ELF1: variants seen among roughly 807,000 people sequenced by gnomAD.
The protein encoded by ELF1 is ETS-related transcription factor Elf-1.
In ELF1, 24 loss-of-function variants were observed where a neutral mutation model predicts 59.9. That is an observed-to-expected ratio of 0.40 (90% confidence interval 0.29 to 0.56). ELF1 has a LOEUF of 0.56. ELF1 is among the 20% of genes least tolerant of loss of function. The pLI is 0.44. For synonymous variants in ELF1, 248 were observed against 266.2 expected (o/e 0.93, Z 0.67); for missense variants, 627 against 742.2 (o/e 0.84, Z 1.80).
At chr13:40,940,418 A>C (rs4584694) in intron 8 of ELF1, among the ~76,000 whole-genome samples, 78,417 of 140,658 alleles carry the variant, frequency 0.56, 24,802 homozygotes, top group Non-Finnish European at 0.69. Flanking sequence ...AAAAAAAAAA[A>C]CAAACCTACT....
At chr13:40,971,502 T>C (rs1202291194) in intron 2 of ELF1, among the ~76,000 whole-genome samples, 1 of 152,188 alleles carries the variant, frequency 6.6e-6, no homozygotes, top group Non-Finnish European at 1.5e-5. Context: ...CTTTCTGCCT[T>C]GGCTTCCCAG....
At chr13:41,004,771 T>C (rs1177756659) in intron 1 of ELF1, among the ~76,000 whole-genome samples, 1 of 152,118 alleles carries the variant, frequency 6.6e-6, no homozygotes, top group Non-Finnish European at 1.5e-5. Context: ...TTTTATGGCC[T>C]AAAAAATGTC....
At chr13:40,978,805 A>AT (rs1281720562) in intron 2 of ELF1, among the ~76,000 whole-genome samples, 1 of 151,870 alleles carries the variant, frequency 6.6e-6, no homozygotes, top group Non-Finnish European at 1.5e-5. Flanking sequence ...AAAAAAAAAA[A>AT]GGACTTCTGT....
At chr13:40,989,536 ATT>A (rs1873730037) in intron 1 of ELF1, among the ~76,000 whole-genome samples, 2 of 152,226 alleles carry the variant, frequency 1.3e-5, no homozygotes, top group Admixed American at 6.5e-5. Context: ...AAAATTAAGC[ATT>A]CTTTTATTTT....
At chr13:41,027,632 T>C (rs1875990741) in intron 1 of ELF1, among the ~76,000 whole-genome samples, 1 of 152,164 alleles carries the variant, frequency 6.6e-6, no homozygotes, top group Non-Finnish European at 1.5e-5. Flanking sequence ...CAATAGACAC[T>C]CTAGATACAA....
chr13:40,944,223 C>G (rs9594462), intron 5 of ELF1, among the ~76,000 whole-genome samples: 28,539 of 152,068 alleles, frequency 0.19, 3,019 homozygotes, highest in African/African-American at 0.27. Context: ...TTTGAAGTAC[C>G]CATACTGGTA....
intron 1 of ELF1, among the ~76,000 whole-genome samples, chr13:41,016,267 T>C (rs779312984): frequency 6.6e-6 from 1 of 152,196 alleles, no homozygotes; most frequent in Non-Finnish European, 1.5e-5. Context: ...TCGCACCGAA[T>C]TGAGTTAGGG....
chr13:41,000,411 G>A (rs1260553542), intron 1 of ELF1, among the ~76,000 whole-genome samples: 4 of 151,760 alleles, frequency 2.6e-5, no homozygotes, highest in African/African-American at 7.3e-5. Context: ...TAGCAGAGAC[G>A]GGGTTTCGCC....
chr13:40,993,137 G>C, intron 1 of ELF1: 1 of 1,555,226 alleles, frequency 6.4e-7, no homozygotes, highest in Non-Finnish European at 8.9e-7. Context: ...ATTCCTCTAG[G>C]ACCTGGATAC....
chr13:41,015,683 G>C (rs1050139633), intron 1 of ELF1, among the ~76,000 whole-genome samples: 12 of 152,122 alleles, frequency 7.9e-5, no homozygotes, highest in African/African-American at 2.9e-4. Context: ...ACCAAAGGTT[G>C]ACAATTACAG....
At chr13:40,943,671 G>C (rs1870324433) in intron 6 of ELF1, among the ~76,000 whole-genome samples, 171 bp downstream of exon 6, 1 of 152,084 alleles carries the variant, frequency 6.6e-6, no homozygotes, top group Non-Finnish European at 1.5e-5. Context: ...CGAGTTTCTT[G>C]GTCTACTTTA....
chr13:40,956,059 C>T (rs1390142633), intron 3 of ELF1, among the ~76,000 whole-genome samples: 1 of 149,220 alleles, frequency 6.7e-6, no homozygotes, highest in Non-Finnish European at 1.5e-5. Context: ...GCCACCACCC[C>T]GTCTGGGAGG....
At chr13:41,060,510 C>T (rs953394493) in intron 1 of ELF1, among the ~76,000 whole-genome samples, 4 of 152,142 alleles carry the variant, frequency 2.6e-5, no homozygotes, top group Admixed American at 1.3e-4. Context: ...CCCCGTGAGC[C>T]GGAGGCGGGA....
intron 2 of ELF1, among the ~76,000 whole-genome samples, chr13:40,977,319 C>A (rs1005224290): frequency 2.0e-5 from 3 of 152,062 alleles, no homozygotes; most frequent in African/African-American, 7.2e-5. Context: ...GATGGGGTTG[C>A]TCTCCCATAG....
At chr13:40,944,000 G>A (rs894998967) in intron 5 of ELF1, 75 bp from the exon 6 acceptor site, 105 of 1,418,556 alleles carry the variant, frequency 7.4e-5, no homozygotes, top group Middle Eastern at 7.3e-4. Flanking sequence ...CTATTTTGTC[G>A]TTTACCCTAA....
At chr13:40,975,963 T>C (rs1175740933) in intron 2 of ELF1, among the ~76,000 whole-genome samples, 1 of 152,112 alleles carries the variant, frequency 6.6e-6, no homozygotes, top group Admixed American at 6.6e-5. Context: ...TTGAAAAAAT[T>C]AGTAATGTGT....
At chr13:40,971,648 C>T (rs1872555263) in intron 2 of ELF1, among the ~76,000 whole-genome samples, 3 of 152,166 alleles carry the variant, frequency 2.0e-5, no homozygotes, top group African/African-American at 7.2e-5. Context: ...TCCAGAATTC[C>T]CCAAGATAAT....
At chr13:40,997,768 G>A (rs747133653) in intron 1 of ELF1, among the ~76,000 whole-genome samples, 25 of 152,154 alleles carry the variant, frequency 1.6e-4, no homozygotes, top group Admixed American at 4.6e-4. Flanking sequence ...GATGTTTCAT[G>A]TCAGGATCTT....
At chr13:40,949,753 T>C in intron 5 of ELF1, 53 bp downstream of exon 5, 2 of 1,584,932 alleles carry the variant, frequency 1.3e-6, no homozygotes, top group Non-Finnish European at 1.7e-6. Context: ...AAGTGATATC[T>C]AGATTTCACA....
Sources: gnomAD v4.1 joint callset for allele counts (sites outside exome capture counted in the v4.1 genomes callset) on GRCh38, gnomAD v4.1.1 for gene constraint, MANE v1.5 for transcripts, NCBI Gene and HGNC (gene_info 2026-07-23, HGNC 2026-07-21) for gene names.